The following SOS2 variants were observed in gnomAD, a reference collection of about 807,000 sequenced individuals.
SOS2 encodes son of sevenless homolog 2.
Under a neutral mutation model 148.2 loss-of-function variants are expected in SOS2, and 65 were observed. The observed-to-expected ratio is 0.44, with a 90% CI of 0.36 to 0.54. The LOEUF is 0.54. Ranked by LOEUF, SOS2 falls within the 20% of genes least tolerant of loss-of-function variation. The probability of loss-of-function intolerance (pLI) is 0.00; values close to 1 mark genes in which losing one functional copy is unlikely to be tolerated. For missense variants in SOS2, 1,341 were observed against 1,590.2 expected, an observed-to-expected ratio of 0.84 and a Z score of 2.67; for synonymous variants, 539 against 537.1, an observed-to-expected ratio of 1.00 and a Z score of -0.05.
In SOS2 at chr14:50,118,442, G is replaced by A. The variant is rs184739336; in HGVS notation, c.3901C>T (p.His1301Tyr). The A allele has an allele frequency of 5.0e-6, 8 of 1,614,120 alleles. No individual in the cohort carries two copies. In the East Asian group the frequency reaches 1.8e-4, roughly 36 times the overall value. Residue 1301 changes from histidine to tyrosine, a missense_variant, in exon 23 of 23, where the codon CAT (histidine) becomes TAT (tyrosine). Coordinates refer to ENST00000216373, the MANE Select transcript of SOS2 (RefSeq NM_006939.4). ...PVPPRQNSSP[H>Y]LPKLPPKTYK... is the part of the protein sequence containing the mutation. ...GTCTTTGGTGGCAGTTTTGGCAGATGAGGGCTTGAATTCTGCCTTGGTGGA... is the reference window on the plus strand; with the variant it reads ...GTCTTTGGTGGCAGTTTTGGCAGATAAGGGCTTGAATTCTGCCTTGGTGGA...
At chr14:50,184,524 T>C (rs1885845514) in intron 5 of SOS2, among the ~76,000 whole-genome samples, 1 of 152,060 alleles carries the variant, frequency 6.6e-6, no homozygotes, top group South Asian at 2.1e-4. Flanking sequence ...GATAACCTCA[T>C]GATAGGGCCA....
chr14:50,138,738 A>T lies in SOS2; in HGVS notation c.2832T>A (p.Asp944Glu). Reference sequence around the variant, plus strand: ...AATCTTTCCCTTTCTTTTTTAAAAAATCATTATTCCCTTCTTCGGTCTTCA... The same window carrying T: ...AATCTTTCCCTTTCTTTTTTAAAAATTCATTATTCCCTTCTTCGGTCTTCA... ...NILKTEEGNN[D>E]FLKKKGKDLI... Residue 944 changes from aspartate to glutamate, a missense_variant, in exon 18 of 23, where the codon GAT becomes GAA. Physicochemically the swap from Asp to Glu is conservative, Grantham distance 45. This residue lies in a region of SOS2 where 408 missense variants were observed against 506.6 expected (regional missense o/e 0.81). Transcript: ENST00000216373. 8.4e-7 allele frequency: 1 copy of T among 1,197,530 alleles called. No individual in the cohort carries two copies. The highest frequency in any genetic ancestry group is 1.2e-6 in the Non-Finnish European group (1 of 822,384). 74.2% of individuals were successfully genotyped at this position (1,197,530 alleles called of 1,614,324 possible).
intron 4 of SOS2, among the ~76,000 whole-genome samples, chr14:50,197,663 C>G (rs1886354177): frequency 6.7e-6 from 1 of 149,278 alleles, no homozygotes; most frequent in Non-Finnish European, 1.5e-5. Flanking sequence ...GCCATGGCCT[C>G]TCTTGAATAA....
rs566609381 is a variant in SOS2, at chr14:50,150,243, C to T, written c.2162-13G>A. 2 of 1,513,172 alleles carry T rather than the reference C, an allele frequency of 1.3e-6. No homozygotes were observed. The highest frequency in any genetic ancestry group is 1.4e-5 in the African/African-American group (1 of 73,012). The allele number at this position is 1,513,172 out of a possible 1,614,324, so 93.7% of individuals were successfully genotyped here. A position where few individuals can be genotyped will look rare whatever the true frequency, so the allele number is the denominator to read the frequency against. On this transcript the variant is annotated splice_polypyrimidine_tract_variant and intron_variant, in intron 13 of 22. Coordinates refer to ENST00000216373, the MANE Select transcript of SOS2 (RefSeq NM_006939.4). Reference sequence around the variant, plus strand: ...TTCATAGCTTTCCCTGGAAAAAGAACACATAAAGAAAAATGTCTTTTACTT... The same window carrying T: ...TTCATAGCTTTCCCTGGAAAAAGAATACATAAAGAAAAATGTCTTTTACTT...
At chr14:50,171,292 T>C (rs964783910) in intron 8 of SOS2, among the ~76,000 whole-genome samples, 3 of 152,058 alleles carry the variant, frequency 2.0e-5, no homozygotes, top group East Asian at 1.9e-4. Flanking sequence ...ATTCCACTCC[T>C]GGGTATATAC....
intron 5 of SOS2, among the ~76,000 whole-genome samples, chr14:50,187,070 G>A (rs1241773161): frequency 6.6e-6 from 1 of 152,098 alleles, no homozygotes; most frequent in African/African-American, 2.4e-5. Context: ...GGAGTGCAGT[G>A]GCACGATCAT....
At chr14:50,157,428 C>T (rs1884855281) in intron 11 of SOS2, among the ~76,000 whole-genome samples, 1 of 152,044 alleles carries the variant, frequency 6.6e-6, no homozygotes, top group Non-Finnish European at 1.5e-5. Context: ...GCTTATCTAA[C>T]AATGTCTTTA....
chr14:50,182,188 A>G (rs1179640022), intron 6 of SOS2, among the ~76,000 whole-genome samples: 1 of 152,012 alleles, frequency 6.6e-6, no homozygotes, highest in African/African-American at 2.4e-5. Flanking sequence ...ATTTTCATAA[A>G]GAATATCTTA....
At chr14:50,124,475 CTAAG>C (rs772121272) in intron 21 of SOS2, among the ~76,000 whole-genome samples, 1 of 152,162 alleles carries the variant, frequency 6.6e-6, no homozygotes, top group Non-Finnish European at 1.5e-5. Flanking sequence ...CTGGTACAAA[CTAAG>C]TATTCAATTA....
intron 1 of SOS2, among the ~76,000 whole-genome samples, chr14:50,212,847 G>C (rs1330188031): frequency 6.6e-6 from 1 of 152,150 alleles, no homozygotes; most frequent in Non-Finnish European, 1.5e-5. Context: ...TTATATATGA[G>C]AAGCAGACAT....
chr14:50,180,926 G>A (rs1000391701), intron 6 of SOS2, among the ~76,000 whole-genome samples: 1 of 151,840 alleles, frequency 6.6e-6, no homozygotes, highest in Non-Finnish European at 1.5e-5. Flanking sequence ...AAATTAATGG[G>A]ATATCTGCAG....
intron 7 of SOS2, among the ~76,000 whole-genome samples, chr14:50,177,298 C>A (rs538958474): frequency 5.9e-5 from 9 of 152,200 alleles, no homozygotes; most frequent in African/African-American, 1.9e-4. Flanking sequence ...CCAGCCTGGG[C>A]AACAGAGTGA....
chr14:50,135,089 A>AAAAAAAG (rs1555368583), intron 18 of SOS2, among the ~76,000 whole-genome samples: 3 of 131,572 alleles, frequency 2.3e-5, no homozygotes, highest in African/African-American at 5.8e-5. Context: ...AAAAAAAAAA[A>AAAAAAAG]AAAGAAAGAA....
intron 13 of SOS2, among the ~76,000 whole-genome samples, chr14:50,152,448 T>C (rs1016872271): frequency 6.6e-6 from 1 of 152,184 alleles, no homozygotes; most frequent in Non-Finnish European, 1.5e-5. Context: ...ATTACACATA[T>C]TTTTATTCAG....
chr14:50,213,904 A>G (rs1050771268), intron 1 of SOS2, among the ~76,000 whole-genome samples: 10 of 151,940 alleles, frequency 6.6e-5, no homozygotes, highest in African/African-American at 1.4e-4. Flanking sequence ...AAAAAAAAAA[A>G]AGAGAAAAAA....
intron 2 of SOS2, among the ~76,000 whole-genome samples, chr14:50,203,104 A>G (rs1443947645): frequency 6.6e-6 from 1 of 152,218 alleles, no homozygotes; most frequent in Admixed American, 6.5e-5. Context: ...GGCTACAGTG[A>G]GCTATGATCA....
At chr14:50,141,852 CT>C (rs773788412) in intron 16 of SOS2, among the ~76,000 whole-genome samples, 3 of 152,134 alleles carry the variant, frequency 2.0e-5, no homozygotes, top group Admixed American at 6.5e-5. Context: ...CCCTACTCTT[CT>C]CTATCAAGGA....
At chr14:50,189,873 C>G (rs12586951) in intron 4 of SOS2, among the ~76,000 whole-genome samples, 136,151 of 150,636 alleles carry the variant, frequency 0.9, 61,701 homozygotes, top group African/African-American at 0.96. Flanking sequence ...TTGTGAGACA[C>G]AGTCTTGCTC....
Position 50,145,490 on chromosome 14 carries a change from G to A in SOS2, c.2491C>T (p.Leu831Phe). ...KMIRHTTNLT[L>F]WFEKCIVEAE... ...ATTAAAACTTACTTTTCAAACCAGA[G>A]GGTGAGATTTGTGGTATGGCGAATC... The change falls in exon 15 of 23, where the codon CTC becomes TTC. Residue 831 changes from leucine to phenylalanine, a missense_variant. Leu to Phe is a conservative substitution (Grantham distance 22). Coordinates refer to ENST00000216373, the MANE Select transcript of SOS2 (RefSeq NM_006939.4). 6.2e-7 allele frequency: 1 copy of A among 1,603,438 alleles called. No homozygotes were observed.
Sources: allele counts gnomAD v4.1 joint callset (sites outside exome capture counted in the v4.1 genomes callset), GRCh38; gene constraint gnomAD v4.1.1; regional missense constraint gnomAD v4.1.1; transcripts MANE v1.5; gene names NCBI Gene and HGNC (gene_info 2026-07-23, HGNC 2026-07-21).